The following CDC16 variants were observed in gnomAD, a reference collection of about 807,000 sequenced individuals.
CDC16 encodes the protein cell division cycle 16, also known as cell division cycle protein 16 homolog.
CDC16 carries 34 observed loss-of-function variants against 87.0 expected under a neutral mutation model. That is an observed-to-expected ratio of 0.39 (90% confidence interval 0.30 to 0.52). CDC16 has a LOEUF of 0.52. CDC16 is among the 20% of genes least tolerant of loss of function. The pLI is 0.74. For missense variants in CDC16, 653 were observed against 751.9 expected (o/e 0.87, Z 1.54); for synonymous variants, 263 against 260.6 (o/e 1.01, Z -0.09).
intron 11 of CDC16, among the ~76,000 whole-genome samples, chr13:114,247,597 G>A (rs115909247): frequency 0.017 from 2,522 of 152,204 alleles, 72 homozygotes; most frequent in African/African-American, 0.057. Context: ...AGAATAAATG[G>A]CCAGGCATGG....
chr13:114,244,076 C>CTTA (rs2081711245), intron 8 of CDC16, 87 bp downstream of exon 8: 1 of 894,588 alleles, frequency 1.1e-6, no homozygotes, highest in Non-Finnish European at 1.7e-6. Context: ...TCTGAATAAT[C>CTTA]TTGAACTAGA....
intron 14 of CDC16, 34 bp from the exon 15 acceptor site, chr13:114,261,853 T>TA: frequency 6.7e-7 from 1 of 1,502,032 alleles, no homozygotes; most frequent in Non-Finnish European, 9.1e-7. Flanking sequence ...CAGTGACATA[T>TA]ATAACTCGTG....
At chr13:114,254,585 GTTA>G (rs1394828022) in intron 12 of CDC16, among the ~76,000 whole-genome samples, 5 of 152,106 alleles carry the variant, frequency 3.3e-5, no homozygotes, top group Admixed American at 1.3e-4. Context: ...GCACAGATCT[GTTA>G]TTATTATTTA....
At position 114,256,201 on chromosome 13, in the gene CDC16, T is replaced by C. The variant is rs369396113; in HGVS notation, c.1098-877T>C. On this transcript the variant is annotated intron_variant, in intron 12 of 17. Transcript: ENST00000356221. ...AGATTGTTTTAAGAGCTTGGTTACC[T>C]TCCAAAGTTCTGAAAAAATTGGTTT... Among the ~76,000 whole-genome samples, 4 of 152,242 alleles carry C rather than the reference T, an allele frequency of 2.6e-5. No individual in the cohort carries two copies. The East Asian group carries it at 5.8e-4, about 22-fold the overall frequency.
chr13:114,266,490 A>G (rs1234094468), intron 17 of CDC16, among the ~76,000 whole-genome samples: 3 of 152,108 alleles, frequency 2.0e-5, no homozygotes, highest in African/African-American at 7.2e-5. Flanking sequence ...TCCACAGCTC[A>G]CTCTCTTAAC....
rs1049100707 is a variant in CDC16 at position 114,272,452 on chromosome 13, A to G, written c.*9A>G. On this transcript the variant is annotated 3_prime_UTR_variant, in exon 18 of 18. Coordinates refer to ENST00000356221, the MANE Select transcript of CDC16 (RefSeq NM_001078645.3). ...CAGACCACAGCACGTGACTCCAGTC[A>G]GTGGTCCTGGTCCCACTGTCCCAGT... is the stretch of plus-strand genomic sequence containing the variant. 1.1e-5 allele frequency: 17 copies of G among 1,612,438 alleles called. No individual in the cohort carries two copies. The highest frequency in any genetic ancestry group is 1.4e-5 in the Non-Finnish European group (16 of 1,178,852).
intron 5 of CDC16, among the ~76,000 whole-genome samples, chr13:114,240,095 A>G (rs530824105): frequency 4.0e-4 from 61 of 152,278 alleles, no homozygotes; most frequent in Non-Finnish European, 7.6e-4. Flanking sequence ...GATTCCTTTT[A>G]GTGTATTCAC....
chr13:114,248,302 A>G (rs571840516), intron 11 of CDC16, among the ~76,000 whole-genome samples: 1 of 152,224 alleles, frequency 6.6e-6, no homozygotes, highest in African/African-American at 2.4e-5. Context: ...TTTGGAGTCA[A>G]ATTTGAATTC....
In CDC16 at chr13:114,265,391, T is replaced by C. The variant is rs2083139450; in HGVS notation, c.1603+151T>C. The C allele has an allele frequency of 8.4e-6, 5 of 597,420 alleles. No homozygotes were observed. The East Asian group carries it at 1.5e-4, about 17-fold the overall frequency. The allele number at this position is 597,420 out of a possible 1,614,324, so 37.0% of individuals were successfully genotyped here. On this transcript the variant is annotated intron_variant, in intron 17 of 17. Coordinates refer to ENST00000356221, the MANE Select transcript of CDC16 (RefSeq NM_001078645.3). ...TAAAAACAAGAAACTCCATTTATTT[T>C]ATTAGAACAATGCTGTGGGGGAGTT...
intron 16 of CDC16, chr13:114,264,158 A>C (rs1192763960): frequency 6.6e-6 from 1 of 152,198 alleles, no homozygotes; most frequent in African/African-American, 2.4e-5. Context: ...AGTTTGTCAG[A>C]AGTTTGGACT....
intron 13 of CDC16, 147 bp from the exon 14 acceptor site, chr13:114,259,188 T>TA: frequency 5.6e-6 from 3 of 533,814 alleles, no homozygotes; most frequent in Non-Finnish European, 9.7e-6. Flanking sequence ...AATTAATCAT[T>TA]TGTGACTTAA....
At chr13:114,236,196 T>C (rs2081243410) in intron 1 of CDC16, among the ~76,000 whole-genome samples, 1 of 152,236 alleles carries the variant, frequency 6.6e-6, no homozygotes, top group South Asian at 2.1e-4. Context: ...GTTTTTAAAC[T>C]TGAGTGTTAT....
chr13:114,235,244 G>A (rs7331882), intron 1 of CDC16, 112 bp downstream of exon 1: 190,361 of 709,242 alleles, frequency 0.27, 29,354 homozygotes, highest in African/African-American at 0.6. Flanking sequence ...GGACTGGGCC[G>A]GCCCTGGGCC....
chr13:114,236,407 A>T (rs1209050713), intron 1 of CDC16, among the ~76,000 whole-genome samples: 2 of 152,228 alleles, frequency 1.3e-5, no homozygotes, highest in Non-Finnish European at 2.9e-5. Flanking sequence ...TTAAAAAATT[A>T]CCTTCATAAG....
chr13:114,259,979 A>G (rs936935508), intron 14 of CDC16, among the ~76,000 whole-genome samples: 10 of 152,234 alleles, frequency 6.6e-5, no homozygotes, highest in Non-Finnish European at 1.5e-5. Context: ...ATGTGTATAT[A>G]CTGATATTAC....
At position 114,237,473 on chromosome 13, in the gene CDC16, G is replaced by A. The variant is rs1350922215; in HGVS notation, c.201+577G>A. 2.6e-5 allele frequency among the ~76,000 whole-genome samples: 4 copies of A among 151,970 alleles called. No homozygotes were observed. The South Asian group carries it at 8.3e-4, about 32-fold the overall frequency. On this transcript the variant is annotated intron_variant, in intron 3 of 17. Coordinates refer to ENST00000356221, the MANE Select transcript of CDC16 (RefSeq NM_001078645.3). ...CCCAGCTAATTTTTAAATTTTTTTGGTAGAGACAGAGCCTCACTATGTTGC... is the reference window on the plus strand; with the variant it reads ...CCCAGCTAATTTTTAAATTTTTTTGATAGAGACAGAGCCTCACTATGTTGC...
chr13:114,237,240 T>TTA (rs2081301337), intron 3 of CDC16, among the ~76,000 whole-genome samples: 1 of 151,834 alleles, frequency 6.6e-6, no homozygotes, highest in Admixed American at 6.6e-5. Context: ...AAAAAAGTCA[T>TTA]TAGGGTTTTA....
chr13:114,241,045 C>T (rs1157064404), intron 5 of CDC16, among the ~76,000 whole-genome samples: 1 of 152,078 alleles, frequency 6.6e-6, no homozygotes, highest in African/African-American at 2.4e-5. Flanking sequence ...CTTAATGATA[C>T]TAGCTGCCTG....
intron 11 of CDC16, 30 bp downstream of exon 11, chr13:114,247,034 A>T (rs759191911): frequency 3.6e-6 from 5 of 1,397,280 alleles, no homozygotes; most frequent in Non-Finnish European, 5.1e-6. Context: ...CTCTCTAGTT[A>T]ACCTGTAGAA....
Sources: allele counts gnomAD v4.1 joint callset (sites outside exome capture counted in the v4.1 genomes callset), GRCh38; gene constraint gnomAD v4.1.1; transcripts MANE v1.5; gene names NCBI Gene and HGNC (gene_info 2026-07-23, HGNC 2026-07-21).